Variants in CDK19 observed in about 807,000 individuals in gnomAD.
CDK19 encodes the protein cyclin-dependent kinase 19.
A neutral mutation model predicts 68.3 loss-of-function variants in CDK19; 20 were observed. The observed-to-expected ratio is 0.29, with a 90% CI of 0.21 to 0.43. The LOEUF is 0.43. Ranked by LOEUF, CDK19 falls within the 20% of genes least tolerant of loss-of-function variation. The probability of loss-of-function intolerance (pLI) is 1.00; values close to 1 mark genes in which losing one functional copy is unlikely to be tolerated. For synonymous variants in CDK19, 221 were observed against 222.8 expected (o/e 0.99, Z 0.07); for missense variants, 339 against 623.5 (o/e 0.54, Z 4.86).
chr6:110,742,034 C>A (rs1440508465), intron 2 of CDK19, among the ~76,000 whole-genome samples: 1 of 152,074 alleles, frequency 6.6e-6, no homozygotes, highest in Non-Finnish European at 1.5e-5. Context: ...GAAAAGAAAT[C>A]ATAAATGTAT....
intron 1 of CDK19, among the ~76,000 whole-genome samples, chr6:110,762,854 G>A (rs1040888105): frequency 4.6e-5 from 7 of 152,198 alleles, no homozygotes; most frequent in Non-Finnish European, 8.8e-5. Context: ...AGTTTCCAGA[G>A]AGGAAGTATC....
chr6:110,795,407 AC>A (rs1362251700), intron 1 of CDK19, among the ~76,000 whole-genome samples: 2 of 152,212 alleles, frequency 1.3e-5, no homozygotes, highest in Non-Finnish European at 2.9e-5. Context: ...AAATTGTAAG[AC>A]TGGTAAGATC....
rs1195947634 is a variant in CDK19, at chr6:110,613,234, T to C, written c.*1301A>G. Reference sequence around the variant, plus strand: ...AAATGCAAATATTCACTTTGTCTAGTATAGTCTTATACTATCCGCCCATAG... The same window carrying C: ...AAATGCAAATATTCACTTTGTCTAGCATAGTCTTATACTATCCGCCCATAG... On this transcript the variant is annotated 3_prime_UTR_variant, in exon 13 of 13. Transcript: ENST00000368911. 2 of 152,644 alleles carry C rather than the reference T, an allele frequency of 1.3e-5. No homozygotes were observed. Among genetic ancestry groups the C allele is most frequent in the African/African-American group, 2.4e-5 (1 of 41,452 alleles). 9.5% of individuals were successfully genotyped at this position (152,644 alleles called of 1,614,324 possible).
At chr6:110,810,320 T>C (rs768733530) in intron 1 of CDK19, among the ~76,000 whole-genome samples, 2 of 152,156 alleles carry the variant, frequency 1.3e-5, no homozygotes, top group East Asian at 1.9e-4. Context: ...AGCAAACGTA[T>C]AGCTTTCCAA....
rs1349164239 is a variant in CDK19, at chr6:110,615,393, C to CTCTA, written c.1378-728_1378-727insTAGA. Among the ~76,000 whole-genome samples, 4 of 152,228 alleles carry CTCTA rather than the reference C, an allele frequency of 2.6e-5. No individual in the cohort carries two copies. In the East Asian group the frequency reaches 7.7e-4, roughly 29 times the overall value. ...AAAAATGTGTAAAAGGAAAAATCAT[C>CTCTA]TATAGAATAAGAACAGTATGTAAGA... is the stretch of plus-strand genomic sequence containing the variant. On this transcript the variant is annotated intron_variant, in intron 12 of 12. Transcript: ENST00000368911.
intron 2 of CDK19, among the ~76,000 whole-genome samples, chr6:110,710,517 A>G (rs1256709250): frequency 2.0e-5 from 3 of 152,228 alleles, no homozygotes; most frequent in Non-Finnish European, 4.4e-5. Context: ...GCAAATTACC[A>G]TAGAACGGTT....
intron 2 of CDK19, among the ~76,000 whole-genome samples, chr6:110,715,204 C>T (rs9386939): frequency 0.96 from 146,768 of 152,238 alleles, 70,968 homozygotes; most frequent in Middle Eastern, 1. Context: ...CCTCTGAATT[C>T]ACATCTTATA....
chr6:110,665,558 T>G (rs1414382829), intron 4 of CDK19, among the ~76,000 whole-genome samples: 2 of 152,152 alleles, frequency 1.3e-5, no homozygotes, highest in African/African-American at 4.8e-5. Context: ...TAGAATTTTA[T>G]GAAAAAGAGA....
intron 1 of CDK19, among the ~76,000 whole-genome samples, chr6:110,782,060 A>G (rs1430119390): frequency 1.8e-4 from 27 of 152,238 alleles, no homozygotes; most frequent in Admixed American, 1.8e-3. Flanking sequence ...GCTATACTCA[A>G]CTAATAAAAG....
At chr6:110,698,489 A>G (rs1372698697) in intron 2 of CDK19, among the ~76,000 whole-genome samples, 1 of 152,198 alleles carries the variant, frequency 6.6e-6, no homozygotes, top group Non-Finnish European at 1.5e-5. Flanking sequence ...ATGGCCATTA[A>G]GAAAGCCAAA....
At chr6:110,683,174 C>CAAAAAAAA (rs58912406) in intron 2 of CDK19, among the ~76,000 whole-genome samples, 1 of 49,580 alleles carries the variant, frequency 2.0e-5, no homozygotes, top group African/African-American at 7.6e-5. Flanking sequence ...AGACTGTCTC[C>CAAAAAAAA]AAAAAAAAAA....
At chr6:110,736,483 T>A (rs538178066) in intron 2 of CDK19, among the ~76,000 whole-genome samples, 4 of 152,352 alleles carry the variant, frequency 2.6e-5, no homozygotes, top group Admixed American at 1.3e-4. Context: ...AAAGTTCAAG[T>A]TCTTTCCCAC....
intron 1 of CDK19, among the ~76,000 whole-genome samples, chr6:110,747,873 G>A (rs1778189314): frequency 1.3e-5 from 2 of 152,196 alleles, no homozygotes; most frequent in Non-Finnish European, 2.9e-5. Flanking sequence ...GTGATTGAAT[G>A]TAATCAAAGC....
chr6:110,669,297 A>G (rs894296692), intron 3 of CDK19, among the ~76,000 whole-genome samples: 1 of 152,206 alleles, frequency 6.6e-6, no homozygotes, highest in Admixed American at 6.5e-5. Context: ...ACTTATATAG[A>G]TGACAAACCA....
In CDK19 at chr6:110,622,870, A is replaced by G; in HGVS notation, c.976T>C (p.Ser326Pro). ...TAGGGATCCTGCAGAGCTTGCTCCG[A>G]GGTAATTCTCTTGGTTGGATCCATG... ...LTMDPTKRIT[S>P]EQALQDPYFQ... Residue 326 changes from serine (S) to proline (P), a missense_variant, in exon 10 of 13, where the codon TCG becomes CCG. By Grantham distance (74) the Ser-to-Pro change is moderately conservative. Transcript: ENST00000368911. 6.2e-7 allele frequency: 1 copy of G among 1,613,858 alleles called. No homozygotes were observed. Among genetic ancestry groups the G allele is most frequent in the Non-Finnish European group, 8.5e-7 (1 of 1,179,704 alleles).
At chr6:110,646,277 C>T in intron 4 of CDK19, 1 of 1,507,096 alleles carries the variant, frequency 6.6e-7, no homozygotes, top group Non-Finnish European at 8.8e-7. Context: ...TGTGCTGCCC[C>T]GCCAACATGT....
At chr6:110,623,459 T>A in intron 8 of CDK19, 97 bp from the exon 9 acceptor site, 2 of 1,477,086 alleles carry the variant, frequency 1.4e-6, no homozygotes, top group South Asian at 2.9e-5. Flanking sequence ...ATAAGGTATG[T>A]GTTTAAGTCA....
chr6:110,623,795 CACACACATAT>C (rs1778882196), intron 8 of CDK19, among the ~76,000 whole-genome samples: 1 of 146,446 alleles, frequency 6.8e-6, no homozygotes, highest in East Asian at 2.0e-4. Flanking sequence ...CACATATATA[CACACACATAT>C]ACACATATAT....
At chr6:110,770,266 G>A (rs531424273) in intron 1 of CDK19, among the ~76,000 whole-genome samples, 76 of 151,700 alleles carry the variant, frequency 5.0e-4, no homozygotes, top group Middle Eastern at 3.4e-3. Flanking sequence ...TCATGCTGCT[G>A]ATAAAGACAT....
Sources: gnomAD v4.1 joint callset for allele counts (sites outside exome capture counted in the v4.1 genomes callset) on GRCh38, gnomAD v4.1.1 for gene constraint, MANE v1.5 for transcripts, NCBI Gene and HGNC (gene_info 2026-07-23, HGNC 2026-07-21) for gene names.